The following RYR3 variants were observed in gnomAD, a reference collection of about 807,000 sequenced individuals.
RYR3 encodes the protein ryanodine receptor 3.
A neutral mutation model predicts 584.3 loss-of-function variants in RYR3; 207 were observed. The ratio of observed to expected loss-of-function variants is 0.35; its 90% CI spans 0.32 to 0.40. The LOEUF is 0.40. RYR3 is among the 10% of genes least tolerant of loss of function. The pLI is 1.00. For missense variants in RYR3, 5,616 were observed against 6,089.2 expected (o/e 0.92, Z 2.59); for synonymous variants, 2,416 against 2,248.5 (o/e 1.07, Z -2.11).
chr15:33,692,719 G>C (rs1378030551), intron 38 of RYR3, among the ~76,000 whole-genome samples: 2 of 151,854 alleles, frequency 1.3e-5, no homozygotes, highest in Non-Finnish European at 2.9e-5. Context: ...ACAAAGAATG[G>C]AGTGGCAGGT....
intron 36 of RYR3, among the ~76,000 whole-genome samples, chr15:33,667,899 TA>T (rs2063574342): frequency 6.6e-6 from 1 of 151,808 alleles, no homozygotes; most frequent in East Asian, 1.9e-4. Flanking sequence ...CCATCTCTAC[TA>T]AAAATACAAG....
chr15:33,643,401 C>T (rs572102979), intron 27 of RYR3, among the ~76,000 whole-genome samples: 5 of 152,250 alleles, frequency 3.3e-5, no homozygotes, highest in African/African-American at 1.2e-4. Context: ...ACAAGAACAC[C>T]AAACAATTTG....
At chr15:33,357,220 G>T (rs1974109283) in intron 1 of RYR3, among the ~76,000 whole-genome samples, 1 of 152,124 alleles carries the variant, frequency 6.6e-6, no homozygotes, top group Non-Finnish European at 1.5e-5. Flanking sequence ...ACACTGCTGG[G>T]TTTCTTTAAA....
chr15:33,811,891 C>A (rs553668801), intron 72 of RYR3, among the ~76,000 whole-genome samples: 6 of 152,158 alleles, frequency 3.9e-5, no homozygotes, highest in Non-Finnish European at 8.8e-5. Context: ...ATCTGAACAA[C>A]TCTTACCTCA....
intron 87 of RYR3, among the ~76,000 whole-genome samples, chr15:33,835,840 A>T (rs1268764364): frequency 1.3e-5 from 2 of 152,188 alleles, no homozygotes; most frequent in African/African-American, 2.4e-5. Flanking sequence ...TTCCTGTGTC[A>T]GCTGGGCAGT....
In RYR3 at chr15:33,742,328, G is replaced by A. The variant is rs138414127; in HGVS notation, c.7821-38G>A. ...ATCTTCTACTATGTCTGGCTGAAGTGCTTGGGGAGGTTGTAATTTTTTTTC... is the reference window on the plus strand; with the variant it reads ...ATCTTCTACTATGTCTGGCTGAAGTACTTGGGGAGGTTGTAATTTTTTTTC... On this transcript the variant is annotated intron_variant, in intron 51 of 103. Coordinates refer to ENST00000634891, the MANE Select transcript of RYR3 (RefSeq NM_001036.6). 3.8e-6 allele frequency: 5 copies of A among 1,312,692 alleles called. No homozygotes were observed. In the Admixed American group the frequency reaches 8.4e-5, roughly 22 times the overall value. The allele number at this position is 1,312,692 out of a possible 1,614,324, so 81.3% of individuals were successfully genotyped here.
chr15:33,701,783 C>A (rs2066321266), intron 42 of RYR3, among the ~76,000 whole-genome samples: 1 of 152,042 alleles, frequency 6.6e-6, no homozygotes, highest in Non-Finnish European at 1.5e-5. Flanking sequence ...CAGAAACAGT[C>A]ATGACTTGAG....
chr15:33,860,120 T>C (rs950066222), intron 100 of RYR3, among the ~76,000 whole-genome samples: 7 of 152,226 alleles, frequency 4.6e-5, no homozygotes, highest in African/African-American at 1.4e-4. Context: ...AATGATATTT[T>C]AGTCAACAGC....
At chr15:33,786,271 G>A (rs1316310110) in intron 66 of RYR3, among the ~76,000 whole-genome samples, 1 of 152,128 alleles carries the variant, frequency 6.6e-6, no homozygotes, top group Non-Finnish European at 1.5e-5. Flanking sequence ...TGCTTTATTT[G>A]ATTTTGGTAC....
chr15:33,441,313 T>TA (rs141829404), intron 1 of RYR3, among the ~76,000 whole-genome samples: 8 of 151,744 alleles, frequency 5.3e-5, no homozygotes, highest in Admixed American at 6.6e-5. Flanking sequence ...TCACTTTGAT[T>TA]AAAAAAAAAC....
chr15:33,435,359 T>G (rs964826839), intron 1 of RYR3, among the ~76,000 whole-genome samples: 2 of 152,238 alleles, frequency 1.3e-5, no homozygotes, highest in African/African-American at 4.8e-5. Flanking sequence ...TATAGTGATA[T>G]ATATGGTTCT....
chr15:33,836,849 C>A, intron 87 of RYR3, 57 bp from the exon 88 acceptor site: 1 of 1,418,942 alleles, frequency 7.0e-7, no homozygotes, highest in Non-Finnish European at 9.9e-7. Flanking sequence ...TCGCTCACTG[C>A]CCTGTACTTT....
At chr15:33,402,378 C>T (rs1325326545) in intron 1 of RYR3, among the ~76,000 whole-genome samples, 2 of 152,180 alleles carry the variant, frequency 1.3e-5, no homozygotes, top group African/African-American at 4.8e-5. Context: ...ATTTGAGTCT[C>T]CCAATTTGAT....
chr15:33,837,570 A>G lies in RYR3; in HGVS notation c.11651-61A>G. On this transcript the variant is annotated intron_variant, in intron 88 of 103. Coordinates refer to ENST00000634891, the MANE Select transcript of RYR3 (RefSeq NM_001036.6). ...GTCTTCTAAAAATAGCTACCTGACA[A>G]GTGACATGATAGCTTGGGTTTATTT... 4.7e-6 allele frequency: 7 copies of G among 1,473,918 alleles called. No individual in the cohort carries two copies. The South Asian group carries it at 8.7e-5, about 18-fold the overall frequency. 91.3% of individuals were successfully genotyped at this position (1,473,918 alleles called of 1,614,324 possible).
intron 2 of RYR3, among the ~76,000 whole-genome samples, chr15:33,482,904 A>G (rs2596171): frequency 0.45 from 67,692 of 152,020 alleles, 15,898 homozygotes; most frequent in Non-Finnish European, 0.52. Flanking sequence ...GACTCCAACT[A>G]CTTATATGTT....
At chr15:33,471,148 A>G (rs1329966838) in intron 1 of RYR3, among the ~76,000 whole-genome samples, 2 of 152,222 alleles carry the variant, frequency 1.3e-5, no homozygotes, top group African/African-American at 4.8e-5. Flanking sequence ...AATTGCTGCT[A>G]TATGAAGCAA....
intron 43 of RYR3, among the ~76,000 whole-genome samples, chr15:33,716,317 T>G (rs1362304788): frequency 1.3e-5 from 2 of 152,184 alleles, no homozygotes; most frequent in African/African-American, 4.8e-5. Flanking sequence ...AGTTTCAACA[T>G]AAATTTCGGA....
intron 2 of RYR3, among the ~76,000 whole-genome samples, chr15:33,492,835 A>T (rs1380797674): frequency 6.6e-6 from 1 of 152,122 alleles, no homozygotes; most frequent in Non-Finnish European, 1.5e-5. Flanking sequence ...TGGGCGCTTA[A>T]CAATGCTTTT....
At chr15:33,345,328 T>C (rs773301757) in intron 1 of RYR3, among the ~76,000 whole-genome samples, 4 of 152,230 alleles carry the variant, frequency 2.6e-5, no homozygotes, top group East Asian at 1.9e-4. Flanking sequence ...AGCAGCTATT[T>C]TATAATTTTC....
Sources: allele counts gnomAD v4.1 joint callset (sites outside exome capture counted in the v4.1 genomes callset), GRCh38; gene constraint gnomAD v4.1.1; transcripts MANE v1.5; gene names NCBI Gene and HGNC (gene_info 2026-07-23, HGNC 2026-07-21).